The following STPG1 variants were observed in gnomAD, a reference collection of about 807,000 sequenced individuals.
STPG1 encodes sperm tail PG-rich repeat containing 1, also known as O(6)-methylguanine-induced apoptosis 2.
In STPG1, 33 loss-of-function variants were observed where a neutral mutation model predicts 40.1. The observed-to-expected ratio is 0.82, with a 90% CI of 0.62 to 1.10. The LOEUF (loss-of-function observed/expected upper bound fraction) is 1.10, where lower values mean the gene tolerates loss of function less well. Ranked by LOEUF, STPG1 falls within the 50% of genes least tolerant of loss-of-function variation. STPG1 has a pLI of 0.00. For synonymous variants in STPG1, 150 were observed against 155.0 expected (o/e 0.97, Z 0.24); for missense variants, 396 against 415.1 (o/e 0.95, Z 0.40).
At chr1:24,400,551 T>C (rs755041832) in intron 2 of STPG1, among the ~76,000 whole-genome samples, 1 of 152,066 alleles carries the variant, frequency 6.6e-6, no homozygotes, top group Admixed American at 6.6e-5. Context: ...AAAAAGAGAG[T>C]GCAAAATCAG....
At chr1:24,382,908 T>C (rs1570041508) in intron 4 of STPG1, among the ~76,000 whole-genome samples, 1 of 130,300 alleles carries the variant, frequency 7.7e-6, no homozygotes, top group African/African-American at 3.2e-5. Flanking sequence ...TGGGCTTGCT[T>C]TCTTTTCACT....
Position 24,357,850 on chromosome 1 carries a change from G to C in STPG1, c.*693C>G, listed in dbSNP as rs949862803. On this transcript the variant is annotated 3_prime_UTR_variant, in exon 9 of 9. Coordinates refer to ENST00000337248, the MANE Select transcript of STPG1 (RefSeq NM_001199013.2). The stretch of plus-strand genomic sequence containing the variant: ...GTAAGCCTTGAGAAAATTCAGTCCC[G>C]CCAGCAGAGAAAGTCAGGGAAAAGC... 1 of 303,072 alleles carries C rather than the reference G, an allele frequency of 3.3e-6. No individual in the cohort carries two copies. Among genetic ancestry groups the C allele is most frequent in the African/African-American group, 2.2e-5 (1 of 46,170 alleles). 18.8% of individuals were successfully genotyped at this position (303,072 alleles called of 1,614,324 possible).
At chr1:24,360,806 T>C (rs1189093784) in intron 8 of STPG1, 45 bp downstream of exon 8, 1 of 1,522,604 alleles carries the variant, frequency 6.6e-7, no homozygotes, top group African/African-American at 1.4e-5. Context: ...GACAAACAGT[T>C]CCAGAAGATT....
At chr1:24,384,375 C>T (rs145313266) in intron 3 of STPG1, among the ~76,000 whole-genome samples, 290 of 152,320 alleles carry the variant, frequency 1.9e-3, no homozygotes, top group African/African-American at 6.4e-3. Flanking sequence ...AGACCCACGG[C>T]AAGGGAAGGG....
At chr1:24,362,381 C>T (rs917598112) in intron 7 of STPG1, among the ~76,000 whole-genome samples, 12 of 152,132 alleles carry the variant, frequency 7.9e-5, no homozygotes, top group Admixed American at 2.6e-4. Context: ...AGCATGATGG[C>T]GGAGGGGACT....
intron 4 of STPG1, among the ~76,000 whole-genome samples, chr1:24,380,847 T>C (rs752994984): frequency 1.1e-4 from 16 of 152,342 alleles, no homozygotes; most frequent in South Asian, 2.1e-4. Context: ...AACGCTGATC[T>C]GTTCCTTGAG....
intron 2 of STPG1, among the ~76,000 whole-genome samples, chr1:24,396,635 T>C (rs367707281): frequency 6.6e-6 from 1 of 152,174 alleles, no homozygotes; most frequent in Admixed American, 6.5e-5. Context: ...TGGGTCAGAT[T>C]TGGTCCAAGG....
chr1:24,384,800 T>A (rs1256855520), intron 3 of STPG1, among the ~76,000 whole-genome samples: 4 of 152,154 alleles, frequency 2.6e-5, no homozygotes, highest in Non-Finnish European at 2.9e-5. Flanking sequence ...ATTTTCACCA[T>A]CAGCCAGTGA....
intron 7 of STPG1, chr1:24,364,188 A>C (rs1040447178): frequency 9.4e-5 from 140 of 1,490,188 alleles, no homozygotes; most frequent in Admixed American, 1.5e-4. Flanking sequence ...CTTCCAGGGA[A>C]ACTTCTCTCC....
At chr1:24,403,778 G>A (rs6661224) in intron 1 of STPG1, among the ~76,000 whole-genome samples, 8,630 of 151,960 alleles carry the variant, frequency 0.057, 780 homozygotes, top group African/African-American at 0.19. Context: ...AGAAATATAA[G>A]TAATTTATAT....
intron 3 of STPG1, among the ~76,000 whole-genome samples, chr1:24,386,397 G>C (rs975478067): frequency 1.3e-5 from 2 of 152,232 alleles, no homozygotes; most frequent in Admixed American, 6.5e-5. Flanking sequence ...CAAAAAGAGA[G>C]TCCTCCAGGC....
chr1:24,390,977 T>TTTTTC (rs796812784), intron 3 of STPG1, among the ~76,000 whole-genome samples: 21 of 152,006 alleles, frequency 1.4e-4, no homozygotes, highest in Middle Eastern at 3.4e-3. Context: ...TTTTTGTACT[T>TTTTTC]TTTTCTTTTC....
Position 24,358,232 on chromosome 1 carries a change from G to C in STPG1, c.*311C>G, listed in dbSNP as rs1487338413. 1 of 591,218 alleles carries C rather than the reference G, an allele frequency of 1.7e-6. No individual in the cohort carries two copies. Among genetic ancestry groups the C allele is most frequent in the African/African-American group, 1.8e-5 (1 of 54,728 alleles). The allele number at this position is 591,218 out of a possible 1,614,324, so 36.6% of individuals were successfully genotyped here. The stretch of plus-strand genomic sequence containing the variant: ...CAGGAGTCCCTTCAGTCTGCGGCAG[G>C]GAGTCGTGCCGGAAGGCAGCCTGGA... On this transcript the variant is annotated 3_prime_UTR_variant, in exon 9 of 9. Coordinates refer to ENST00000337248, the MANE Select transcript of STPG1 (RefSeq NM_001199013.2).
intron 2 of STPG1, among the ~76,000 whole-genome samples, chr1:24,396,612 T>G (rs1643017265): frequency 6.6e-6 from 1 of 152,216 alleles, no homozygotes; most frequent in Non-Finnish European, 1.5e-5. Context: ...ACTTTATTAA[T>G]AGAAATAGGC....
chr1:24,358,145 G>T lies in STPG1; in HGVS notation c.*398C>A. The T allele has an allele frequency of 2.1e-6, 1 of 469,748 alleles. No homozygotes were observed. The highest frequency in any genetic ancestry group is 4.2e-6 in the Non-Finnish European group (1 of 236,504). The allele number at this position is 469,748 out of a possible 1,614,324, so 29.1% of individuals were successfully genotyped here. The stretch of plus-strand genomic sequence containing the variant: ...ATGAATGAAGGAATGAAACAGGGAA[G>T]GGTGGGGCTTCCAGGCTTGGCCACC... On this transcript the variant is annotated 3_prime_UTR_variant, in exon 9 of 9. Transcript: ENST00000337248.
chr1:24,374,242 G>GCGTTTTTTTTTTTTTTTTTTTTTTT (rs1557440345), intron 5 of STPG1, among the ~76,000 whole-genome samples: 1 of 124,860 alleles, frequency 8.0e-6, no homozygotes, highest in African/African-American at 3.2e-5. Context: ...CGCTAGGAAA[G>GCGTTTTTTTTTTTTTTTTTTTTTTT]TGTTTTTTTT....
chr1:24,378,257 A>G (rs1332776022), intron 5 of STPG1, among the ~76,000 whole-genome samples: 4 of 152,240 alleles, frequency 2.6e-5, no homozygotes, highest in Non-Finnish European at 5.9e-5. Context: ...TGTTGAAATG[A>G]TAATATTTTG....
intron 3 of STPG1, among the ~76,000 whole-genome samples, chr1:24,386,518 A>G (rs1642511807): frequency 6.6e-6 from 1 of 152,238 alleles, no homozygotes; most frequent in Non-Finnish European, 1.5e-5. Context: ...TTATGTCACA[A>G]AAACGGGCAG....
intron 3 of STPG1, among the ~76,000 whole-genome samples, chr1:24,390,062 C>A (rs568011313): frequency 6.6e-6 from 1 of 152,336 alleles, no homozygotes; most frequent in Non-Finnish European, 1.5e-5. Context: ...CCGTTCAGAA[C>A]CTAGATCTCC....
Sources: gnomAD v4.1 joint callset for allele counts (sites outside exome capture counted in the v4.1 genomes callset) on GRCh38, gnomAD v4.1.1 for gene constraint, MANE v1.5 for transcripts, NCBI Gene and HGNC (gene_info 2026-07-23, HGNC 2026-07-21) for gene names.